DHRSX: variants seen among roughly 807,000 people sequenced by gnomAD.
The protein encoded by DHRSX is dehydrogenase/reductase X-linked, also known as polyprenol dehydrogenase.
A neutral mutation model predicts 34.0 loss-of-function variants in DHRSX; 31 were observed. The observed-to-expected ratio is 0.91, with a 90% CI of 0.69 to 1.23. DHRSX has a LOEUF of 1.23. Among genes scored for constraint, DHRSX ranks in the 50% most tolerant of loss-of-function variants. The pLI is 0.00. For synonymous variants in DHRSX, 201 were observed against 183.8 expected, an observed-to-expected ratio of 1.09 and a Z score of -0.76; for missense variants, 414 against 428.1, an observed-to-expected ratio of 0.97 and a Z score of 0.29.
intron 1 of DHRSX, among the ~76,000 whole-genome samples, chrX:2,457,548 G>A (rs1199500179): frequency 6.6e-6 from 1 of 152,080 alleles, no homozygotes; most frequent in Non-Finnish European, 1.5e-5. Context: ...CCGCCACCAT[G>A]TAAACACTGA....
chrX:2,241,879 C>G (rs1215060120), intron 6 of DHRSX, among the ~76,000 whole-genome samples: 1 of 152,120 alleles, frequency 6.6e-6, no homozygotes, highest in African/African-American at 2.4e-5. Context: ...CTGCACTCCA[C>G]TCTGGGCAAC....
intron 5 of DHRSX, chrX:2,261,301 C>G (rs2041360640): frequency 6.6e-6 from 1 of 152,076 alleles, no homozygotes; most frequent in African/African-American, 2.4e-5. Context: ...AATAAAAACT[C>G]TCTTGTTAAT....
At chrX:2,461,945 C>T (rs2044407946) in intron 1 of DHRSX, among the ~76,000 whole-genome samples, 1 of 152,146 alleles carries the variant, frequency 6.6e-6, no homozygotes, top group Admixed American at 6.5e-5. Context: ...GCCTCGGCCT[C>T]CCAAAGTGCT....
chrX:2,397,636 A>AT (rs34688111), intron 3 of DHRSX, among the ~76,000 whole-genome samples: 3 of 150,244 alleles, frequency 2.0e-5, no homozygotes, highest in Non-Finnish European at 4.4e-5. Flanking sequence ...TGACAGAGAC[A>AT]TTTTTTTTTT....
At chrX:2,249,579 G>A (rs111997847) in intron 5 of DHRSX, among the ~76,000 whole-genome samples, 37,702 of 133,516 alleles carry the variant, frequency 0.28, 7,567 homozygotes, top group African/African-American at 0.56. Context: ...GCTGGAGTGC[G>A]GTGGCGCAAT....
At chrX:2,399,353 AC>A (rs1240307254) in intron 3 of DHRSX, among the ~76,000 whole-genome samples, 1 of 151,976 alleles carries the variant, frequency 6.6e-6, no homozygotes, top group Non-Finnish European at 1.5e-5. Context: ...CATGAAAGAA[AC>A]AAAAGGACTC....
intron 4 of DHRSX, among the ~76,000 whole-genome samples, chrX:2,267,633 CAG>C (rs1397782880): frequency 6.6e-6 from 1 of 151,720 alleles, no homozygotes; most frequent in Admixed American, 6.6e-5. Context: ...AGTCACCAAA[CAG>C]AGTCCCCTGG....
intron 1 of DHRSX, among the ~76,000 whole-genome samples, chrX:2,477,167 T>C (rs1395563942): frequency 2.0e-5 from 3 of 152,122 alleles, no homozygotes; most frequent in South Asian, 2.1e-4. Flanking sequence ...GTAGAAGCTG[T>C]TTCCCTGCTC....
At chrX:2,303,825 GTGGGTGGATGGATGGATGGATGGA>G in intron 3 of DHRSX, among the ~76,000 whole-genome samples, 1 of 93,338 alleles carries the variant, frequency 1.1e-5, no homozygotes, top group East Asian at 4.0e-4. Flanking sequence ...GGGTGGATGG[GTGGGTGGATGGATGGATGGATGGA>G]TGGGTGGATG....
chrX:2,230,513 G>A (rs1007624623), intron 6 of DHRSX, among the ~76,000 whole-genome samples: 3 of 152,160 alleles, frequency 2.0e-5, no homozygotes, highest in Non-Finnish European at 2.9e-5. Flanking sequence ...TTGAGTTCAC[G>A]TATCAATTGG....
At chrX:2,449,097 G>A (rs1018865816) in intron 1 of DHRSX, among the ~76,000 whole-genome samples, 12 of 152,000 alleles carry the variant, frequency 7.9e-5, no homozygotes, top group African/African-American at 2.7e-4. Context: ...GCTGAGACAG[G>A]AGAATGGCTT....
chrX:2,360,351 A>ATTG (rs2042914516), intron 3 of DHRSX, among the ~76,000 whole-genome samples: 1 of 152,152 alleles, frequency 6.6e-6, no homozygotes, highest in Non-Finnish European at 1.5e-5. Flanking sequence ...TTGGGAGGCC[A>ATTG]AGGTGGGCGG....
chrX:2,242,498 G>C (rs1045639308), intron 6 of DHRSX, among the ~76,000 whole-genome samples: 6 of 152,120 alleles, frequency 3.9e-5, no homozygotes, highest in Non-Finnish European at 7.4e-5. Flanking sequence ...GAGACCTGCT[G>C]GGCTGCATTC....
chrX:2,243,788 GTTTTTTTTTTTTTTTTTT>G (rs778957532), intron 5 of DHRSX, among the ~76,000 whole-genome samples: 2,733 of 25,158 alleles, frequency 0.11, 132 homozygotes, highest in African/African-American at 0.22. Context: ...TATGCTCCCT[GTTTTTTTTTTTTTTTTTT>G]TTTTTTTTTT....
intron 3 of DHRSX, among the ~76,000 whole-genome samples, chrX:2,309,615 T>C (rs1269690339): frequency 6.6e-6 from 1 of 152,130 alleles, no homozygotes; most frequent in East Asian, 1.9e-4. Flanking sequence ...ACTGGGCTAA[T>C]TTGAAAATCA....
intron 4 of DHRSX, 102 bp from the exon 5 acceptor site, chrX:2,267,049 G>A (rs2041485031): frequency 3.3e-6 from 4 of 1,228,802 alleles, no homozygotes; most frequent in East Asian, 2.3e-5. Flanking sequence ...GACATCGGAG[G>A]GTGGGGTGTA....
At chrX:2,460,280 AC>A (rs760797460) in intron 1 of DHRSX, among the ~76,000 whole-genome samples, 2,172 of 151,308 alleles carry the variant, frequency 0.014, 28 homozygotes, top group Middle Eastern at 0.07. Flanking sequence ...CCTAACACAC[AC>A]CATGGCAGGG....
chrX:2,490,323 G>C, intron 1 of DHRSX: 1 of 1,613,252 alleles, frequency 6.2e-7, no homozygotes, highest in South Asian at 1.1e-5. Context: ...TCGCAGATGA[G>C]GCCCAGCACG....
intron 2 of DHRSX, among the ~76,000 whole-genome samples, chrX:2,414,300 T>C (rs2043667367): frequency 6.6e-6 from 1 of 151,614 alleles, no homozygotes; most frequent in African/African-American, 2.4e-5. Flanking sequence ...TATGACCTAA[T>C]ACAACTACAT....
Sources: gnomAD v4.1 joint callset for allele counts (sites outside exome capture counted in the v4.1 genomes callset) on GRCh38, gnomAD v4.1.1 for gene constraint, MANE v1.5 for transcripts, NCBI Gene and HGNC (gene_info 2026-07-23, HGNC 2026-07-21) for gene names.